The following DENND5B variants were observed in gnomAD, a reference collection of about 807,000 sequenced individuals.
DENND5B encodes the protein DENN domain-containing protein 5B.
A neutral mutation model predicts 140.6 loss-of-function variants in DENND5B; 34 were observed. The ratio of observed to expected loss-of-function variants is 0.24; its 90% confidence interval spans 0.18 to 0.32. The LOEUF is 0.32. DENND5B is among the 10% of genes least tolerant of loss of function. The pLI is 1.00. For missense variants in DENND5B, 1,142 were observed against 1,560.2 expected, an observed-to-expected ratio of 0.73 and a Z score of 4.52; for synonymous variants, 551 against 562.1, an observed-to-expected ratio of 0.98 and a Z score of 0.28.
intron 1 of DENND5B, among the ~76,000 whole-genome samples, chr12:31,569,083 T>TTTTTG (rs1949726489): frequency 6.8e-6 from 1 of 147,194 alleles, no homozygotes; most frequent in Non-Finnish European, 1.5e-5. Context: ...TTTTTTTTTT[T>TTTTTG]GAGACGAGGG....
rs1188554732 is a variant in DENND5B, at chr12:31,591,042, A to C, written c.-210T>G. On this transcript the variant is annotated 5_prime_UTR_variant, in exon 1 of 21. Coordinates refer to ENST00000389082, the MANE Select transcript of DENND5B (RefSeq NM_144973.4). ...GCGGGCTCGCGCGCGGCGGGTCCGG[A>C]GCCCGGCCGGGTGGGGGAGGGGCGC... 3.4e-5 allele frequency: 11 copies of C among 321,740 alleles called. No homozygotes were observed. Among genetic ancestry groups the C allele is most frequent in the Non-Finnish European group, 4.5e-5 (10 of 224,556 alleles). The allele number at this position is 321,740 out of a possible 1,614,324, so 19.9% of individuals were successfully genotyped here. A position where few individuals can be genotyped will look rare whatever the true frequency, so the allele number is the denominator to read the frequency against.
intron 1 of DENND5B, among the ~76,000 whole-genome samples, chr12:31,555,761 T>G (rs1281122429): frequency 1.3e-5 from 2 of 152,278 alleles, no homozygotes; most frequent in East Asian, 3.9e-4. Flanking sequence ...CAATGACAGG[T>G]GCCCCTCCCC....
chr12:31,553,656 A>C (rs1228312326), intron 1 of DENND5B, among the ~76,000 whole-genome samples: 1 of 152,172 alleles, frequency 6.6e-6, no homozygotes, highest in Admixed American at 6.5e-5. Flanking sequence ...TAATGTTGAC[A>C]GTGGGGTGTT....
At chr12:31,403,090 A>T (rs1341469953) in intron 14 of DENND5B, among the ~76,000 whole-genome samples, 1 of 152,198 alleles carries the variant, frequency 6.6e-6, no homozygotes, top group Non-Finnish European at 1.5e-5. Flanking sequence ...CTTCTTGGAC[A>T]GTATTGAGTT....
intron 1 of DENND5B, 85 bp from the exon 2 acceptor site, chr12:31,496,004 G>A (rs1374466130): frequency 3.8e-5 from 34 of 895,958 alleles, no homozygotes; most frequent in Admixed American, 1.4e-4. Context: ...TCCTACTACT[G>A]ACTGATAATG....
intron 2 of DENND5B, among the ~76,000 whole-genome samples, chr12:31,487,299 C>T (rs1272777918): frequency 6.6e-6 from 1 of 152,120 alleles, no homozygotes; most frequent in Non-Finnish European, 1.5e-5. Flanking sequence ...TTAGGAATAA[C>T]TGTATAAGGA....
chr12:31,463,279 A>G (rs1353525666), intron 3 of DENND5B, among the ~76,000 whole-genome samples: 1 of 117,312 alleles, frequency 8.5e-6, no homozygotes, highest in Non-Finnish European at 1.7e-5. Flanking sequence ...AAAAACAAAC[A>G]AACAAAAAAC....
intron 1 of DENND5B, among the ~76,000 whole-genome samples, chr12:31,577,486 A>G (rs973386390): frequency 6.6e-6 from 1 of 151,166 alleles, no homozygotes; most frequent in Non-Finnish European, 1.5e-5. Context: ...CGAGGCAGGC[A>G]GATCACGAGG....
rs149544181 is a variant in DENND5B at position 31,474,714 on chromosome 12, T to C, written c.904+4875A>G. Among the ~76,000 whole-genome samples, 268 of 152,278 alleles carry C rather than the reference T, an allele frequency of 1.8e-3. 2 individuals are homozygous for C. Among genetic ancestry groups the C allele is most frequent in the Admixed American group, 0.015 (231 of 15,292 alleles). On this transcript the variant is annotated intron_variant, in intron 3 of 20. Transcript: ENST00000389082. The stretch of plus-strand genomic sequence containing the variant: ...GTAAGAAATGAAGTATCACATGTTA[T>C]TAAAACCCCCTTAACACAGTTAAGA...
intron 16 of DENND5B, among the ~76,000 whole-genome samples, chr12:31,399,227 A>G (rs116002952): frequency 0.014 from 2,076 of 147,652 alleles, 63 homozygotes; most frequent in African/African-American, 0.049. Flanking sequence ...CCTCACCTGG[A>G]AAAAAAAACC....
At chr12:31,586,097 C>T (rs1048713112) in intron 1 of DENND5B, among the ~76,000 whole-genome samples, 32 of 152,136 alleles carry the variant, frequency 2.1e-4, no homozygotes, top group African/African-American at 7.5e-4. Flanking sequence ...CCTTCATTTT[C>T]CCATTGCTCA....
At chr12:31,561,322 C>T (rs1949467060) in intron 1 of DENND5B, among the ~76,000 whole-genome samples, 1 of 152,202 alleles carries the variant, frequency 6.6e-6, no homozygotes, top group Admixed American at 6.5e-5. Flanking sequence ...TACACAAATA[C>T]ATTTCACAAT....
rs187555875 is a variant in DENND5B, at chr12:31,424,592, G to A, written c.2334C>T (p.Ile778=). 469 of 1,613,926 alleles carry A rather than the reference G, an allele frequency of 2.9e-4. 3 individuals carry two copies. In the African/African-American group the frequency reaches 5.5e-3, roughly 19 times the overall value. The part of the protein sequence containing the change: ...NITGLEENTL[I]ASLCDLLERI... Reference sequence around the variant, plus strand: ...TCTCCAGCAGGTCACAAAGGCTGGCGATCAAGGTGTTCTCCTCCAGGCCGG... The same window carrying A: ...TCTCCAGCAGGTCACAAAGGCTGGCAATCAAGGTGTTCTCCTCCAGGCCGG... Residue 778 remains isoleucine, a synonymous_variant, in exon 10 of 21, where the codon ATC becomes ATT. Transcript: ENST00000389082.
intron 1 of DENND5B, among the ~76,000 whole-genome samples, chr12:31,541,979 T>C (rs1002205847): frequency 2.0e-5 from 3 of 152,138 alleles, no homozygotes; most frequent in East Asian, 1.9e-4. Flanking sequence ...TTTCACTTAT[T>C]TGTGGGAGCT....
chr12:31,430,497 C>CAAAAAAAAAAA (rs71062432), intron 8 of DENND5B, among the ~76,000 whole-genome samples: 12 of 56,052 alleles, frequency 2.1e-4, no homozygotes, highest in South Asian at 9.4e-4. Flanking sequence ...ACTAAAAATA[C>CAAAAAAAAAAA]AAAAAAAAAA....
chr12:31,579,365 T>C (rs775105413), intron 1 of DENND5B, among the ~76,000 whole-genome samples: 4 of 152,086 alleles, frequency 2.6e-5, no homozygotes, highest in Non-Finnish European at 5.9e-5. Flanking sequence ...TGCATTTTGT[T>C]TGAAAAGTAA....
chr12:31,430,292 G>A (rs1943450805), intron 8 of DENND5B, among the ~76,000 whole-genome samples: 1 of 151,198 alleles, frequency 6.6e-6, no homozygotes, highest in South Asian at 2.1e-4. Context: ...CAAAGTGCTG[G>A]GATTAAAGGT....
intron 17 of DENND5B, among the ~76,000 whole-genome samples, chr12:31,392,910 C>T (rs1941225609): frequency 1.3e-5 from 2 of 152,204 alleles, no homozygotes; most frequent in South Asian, 4.1e-4. Flanking sequence ...AGATTCAAAT[C>T]CCAGCATTAC....
intron 3 of DENND5B, among the ~76,000 whole-genome samples, chr12:31,461,263 G>A (rs1172119681): frequency 6.6e-6 from 1 of 152,094 alleles, no homozygotes; most frequent in African/African-American, 2.4e-5. Context: ...GGTACAAGAA[G>A]TCAAACAGAT....
Sources: gnomAD v4.1 joint callset for allele counts (sites outside exome capture counted in the v4.1 genomes callset) on GRCh38, gnomAD v4.1.1 for gene constraint, MANE v1.5 for transcripts, NCBI Gene and HGNC (gene_info 2026-07-23, HGNC 2026-07-21) for gene names.